The following PTK2B variants were observed in gnomAD, a reference collection of about 807,000 sequenced individuals.
The protein encoded by PTK2B is protein-tyrosine kinase 2-beta.
A neutral mutation model predicts 142.9 loss-of-function variants in PTK2B; 71 were observed. The ratio of observed to expected loss-of-function variants is 0.50; its 90% confidence interval spans 0.41 to 0.61. The LOEUF is 0.61. PTK2B is among the 20% of genes least tolerant of loss of function. PTK2B has a pLI of 0.00. For missense variants in PTK2B, 1,105 were observed against 1,320.4 expected, an observed-to-expected ratio of 0.84 and a Z score of 2.53; for synonymous variants, 519 against 503.4, an observed-to-expected ratio of 1.03 and a Z score of -0.42.
At chr8:27,347,472 C>G (rs139074744) in intron 1 of PTK2B, among the ~76,000 whole-genome samples, 14 of 152,276 alleles carry the variant, frequency 9.2e-5, no homozygotes, top group African/African-American at 3.4e-4. Flanking sequence ...TTATTTTCTC[C>G]CGGTACTGGA....
intron 1 of PTK2B, among the ~76,000 whole-genome samples, chr8:27,357,498 GC>G (rs1805454587): frequency 1.3e-5 from 2 of 152,312 alleles, no homozygotes; most frequent in African/African-American, 4.8e-5. Context: ...AGTGCAGGGG[GC>G]CACCCCGTGC....
At chr8:27,332,094 A>G (rs1207101271) in intron 1 of PTK2B, among the ~76,000 whole-genome samples, 1 of 152,238 alleles carries the variant, frequency 6.6e-6, no homozygotes, top group East Asian at 1.9e-4. Flanking sequence ...GACAGCTGCA[A>G]GTGGCTCACT....
At chr8:27,430,818 G>C (rs926904648) in intron 7 of PTK2B, 58 bp from the exon 8 acceptor site, 125 of 1,586,680 alleles carry the variant, frequency 7.9e-5, no homozygotes, top group Non-Finnish European at 1.0e-4. Context: ...GACCCTAAGG[G>C]AAGGAGTGAG....
intron 2 of PTK2B, among the ~76,000 whole-genome samples, chr8:27,404,939 G>C (rs966228101): frequency 6.6e-6 from 1 of 152,080 alleles, no homozygotes; most frequent in Admixed American, 6.5e-5. Context: ...GAGGTCATGA[G>C]AGTGGGGGCC....
Position 27,440,421 on chromosome 8 carries a change from C to T in PTK2B, c.2019C>T (p.Thr673=), listed in dbSNP as rs149334019. The T allele has an allele frequency of 3.0e-5, 49 of 1,613,810 alleles. No individual in the cohort carries two copies. The highest frequency in any genetic ancestry group is 2.5e-4 in the South Asian group (23 of 91,066). ...DYDPSDRPRF[T]ELVCSLSDVY... ...ACCCCAGTGACCGGCCCCGCTTCAC[C>T]GAGCTGGTGTGCAGCCTCAGGTGAG... The change falls in exon 21 of 31, where the codon ACC becomes ACT. Residue 673 remains threonine, a synonymous_variant. Coordinates refer to ENST00000346049, the MANE Select transcript of PTK2B (RefSeq NM_173176.3).
upstream of PTK2B, among the ~76,000 whole-genome samples, chr8:27,321,118 C>T (rs151016034): frequency 6.7e-6 from 1 of 150,224 alleles, no homozygotes; most frequent in South Asian, 2.1e-4. Context: ...CATCAGCCTC[C>T]CAAGCAGCTA....
At chr8:27,411,018 G>C (rs1809024521) in intron 2 of PTK2B, among the ~76,000 whole-genome samples, 1 of 152,194 alleles carries the variant, frequency 6.6e-6, no homozygotes. Context: ...AGAAGCAAAG[G>C]TCTTCCTGTA....
In PTK2B at chr8:27,419,891, G is replaced by T; in HGVS notation, c.205-4G>T. 1 of 1,614,040 alleles carries T rather than the reference G, an allele frequency of 6.2e-7. No homozygotes were observed. Among genetic ancestry groups the T allele is most frequent in the South Asian group, 1.1e-5 (1 of 91,060 alleles). ...GAGTCATGCCTCTCTCTTCTCCTCT[G>T]CAGGAGATCATCACCTCCATCCTGC... On this transcript the variant is annotated splice_polypyrimidine_tract_variant and splice_region_variant and intron_variant, in intron 2 of 30. Transcript: ENST00000346049.
chr8:27,451,578 A>G (rs1275548434), intron 27 of PTK2B, 69 bp downstream of exon 27: 3 of 1,611,312 alleles, frequency 1.9e-6, no homozygotes, highest in South Asian at 1.1e-5. Context: ...ATCCTTGCCC[A>G]CCGCCCAGGG....
intron 1 of PTK2B, among the ~76,000 whole-genome samples, chr8:27,350,990 A>AAAAAT (rs1554483396): frequency 8.3e-5 from 1 of 12,090 alleles, no homozygotes; most frequent in African/African-American, 3.2e-4. Flanking sequence ...AAAAAAAAAA[A>AAAAAT]ATATATATAT....
At chr8:27,459,391 C>T (rs866621674), downstream of PTK2B, 58 of 232,166 alleles carry the variant, frequency 2.5e-4, no homozygotes, top group East Asian at 3.4e-3. Context: ...ATTTGCTTTG[C>T]GGTTTGTTTT....
chr8:27,337,052 T>C (rs978566081), intron 1 of PTK2B, among the ~76,000 whole-genome samples: 4 of 150,134 alleles, frequency 2.7e-5, no homozygotes, highest in African/African-American at 9.8e-5. Context: ...TTTTTTGAGA[T>C]ACAATTCACA....
intron 1 of PTK2B, among the ~76,000 whole-genome samples, chr8:27,331,506 C>T (rs1803748454): frequency 6.6e-6 from 1 of 151,950 alleles, no homozygotes; most frequent in South Asian, 2.1e-4. Flanking sequence ...CACTTGGGTG[C>T]AGGGGCATGA....
intron 1 of PTK2B, among the ~76,000 whole-genome samples, chr8:27,354,559 T>G (rs1805289493): frequency 6.6e-6 from 1 of 152,198 alleles, no homozygotes; most frequent in African/African-American, 2.4e-5. Flanking sequence ...GCAGGTATGT[T>G]GACTGTTGGG....
chr8:27,445,846 A>G lies in PTK2B; in HGVS notation c.2267A>G (p.Tyr756Cys). ...SSPTLTSPME[Y>C]PSPVNSLHTP... is the part of the protein sequence containing the mutation. ...CCTACGCTCACCAGCCCTATGGAGT[A>G]TCCATCTCCCGTTAACTCACTGCAC... Residue 756 changes from tyrosine (Y) to cysteine (C), a missense_variant, in exon 24 of 31, where the codon TAT becomes TGT. Tyr to Cys is a radical substitution (Grantham distance 194, BLOSUM62 -2). Transcript: ENST00000346049. The G allele has an allele frequency of 6.2e-7, 1 of 1,614,060 alleles. No homozygotes were observed. The highest frequency in any genetic ancestry group is 8.5e-7 in the Non-Finnish European group (1 of 1,180,022).
At chr8:27,383,465 C>T (rs560860711) in intron 1 of PTK2B, among the ~76,000 whole-genome samples, 1 of 152,084 alleles carries the variant, frequency 6.6e-6, no homozygotes, top group South Asian at 2.1e-4. Flanking sequence ...AGGCTGGTCT[C>T]GAAATGGCTG....
chr8:27,323,857 C>G (rs1201799800), upstream of PTK2B, among the ~76,000 whole-genome samples: 1 of 152,140 alleles, frequency 6.6e-6, no homozygotes, highest in African/African-American at 2.4e-5. Flanking sequence ...CCTCTGAAAA[C>G]TCACCTTTCC....
At chr8:27,437,080 A>G (rs2132154924) in intron 15 of PTK2B, 42 bp from the exon 16 acceptor site, 1 of 1,575,758 alleles carries the variant, frequency 6.3e-7, no homozygotes, top group Non-Finnish European at 8.7e-7. Flanking sequence ...TCTGCTGAGC[A>G]CTGGGCTGGA....
chr8:27,310,689 C>G, upstream of PTK2B: 2 of 1,258,366 alleles, frequency 1.6e-6, no homozygotes, highest in South Asian at 3.0e-5. Flanking sequence ...ATGCTGGGAG[C>G]GAGACGCGGG....
Sources: gnomAD v4.1 joint callset for allele counts (sites outside exome capture counted in the v4.1 genomes callset) on GRCh38, gnomAD v4.1.1 for gene constraint, MANE v1.5 for transcripts, NCBI Gene and HGNC (gene_info 2026-07-23, HGNC 2026-07-21) for gene names.